KLRG1: variants seen among roughly 807,000 people sequenced by gnomAD.
KLRG1 encodes killer cell lectin like receptor G1.
A neutral mutation model predicts 21.8 loss-of-function variants in KLRG1; 16 were observed. That is an observed-to-expected ratio of 0.73 (90% confidence interval 0.50 to 1.11). The LOEUF (loss-of-function observed/expected upper bound fraction) is 1.11, where lower values mean the gene tolerates loss of function less well. Ranked by LOEUF, KLRG1 falls within the 50% of genes most tolerant of loss-of-function variation. The pLI is 0.00. For synonymous variants in KLRG1, 69 were observed against 75.9 expected, an observed-to-expected ratio of 0.91 and a Z score of 0.47; for missense variants, 173 against 218.3, an observed-to-expected ratio of 0.79 and a Z score of 1.31.
At chr12:9,032,150 G>A in the KLRG1 span, among the ~76,000 whole-genome samples, 1 of 152,094 alleles carries the variant, frequency 6.6e-6, no homozygotes, top group Non-Finnish European at 1.5e-5. Flanking sequence ...ATTTTTTTGA[G>A]GGTGCAAAAA....
At chr12:9,072,239 A>G in the KLRG1 span, 202 of 1,163,558 alleles carry the variant, frequency 1.7e-4, no homozygotes, top group African/African-American at 3.0e-3. Context: ...AAGAGAATAC[A>G]TTGCATTTTT....
At chr12:9,112,666 A>G in the KLRG1 span, 12 of 973,582 alleles carry the variant, frequency 1.2e-5, no homozygotes, top group Non-Finnish European at 1.8e-5. Context: ...CAGCAGGGAA[A>G]GTTGGCATGG....
At chr12:8,997,571 T>C (rs917701479) in intron 3 of KLRG1, among the ~76,000 whole-genome samples, 11 of 152,138 alleles carry the variant, frequency 7.2e-5, no homozygotes, top group Non-Finnish European at 1.2e-4. Flanking sequence ...ATTCCATTGG[T>C]GGAGAGTGCT....
chr12:9,186,231 A>T, the KLRG1 span, among the ~76,000 whole-genome samples: 73 of 152,316 alleles, frequency 4.8e-4, no homozygotes, highest in Non-Finnish European at 4.4e-4. Flanking sequence ...TTACCACCAG[A>T]TCCAACTTGC....
chr12:9,043,934 G>A, the KLRG1 span, among the ~76,000 whole-genome samples: 1 of 152,172 alleles, frequency 6.6e-6, no homozygotes, highest in Admixed American at 6.5e-5. Context: ...AGAACAAGCA[G>A]TCTCTCAGAA....
At chr12:9,183,520 C>T in the KLRG1 span, among the ~76,000 whole-genome samples, 1 of 152,134 alleles carries the variant, frequency 6.6e-6, no homozygotes, top group Non-Finnish European at 1.5e-5. Context: ...CTGCCTCAGC[C>T]TCCCCAGTAG....
At chr12:9,110,568 A>G in the KLRG1 span, among the ~76,000 whole-genome samples, 1 of 151,778 alleles carries the variant, frequency 6.6e-6, no homozygotes, top group Non-Finnish European at 1.5e-5. Flanking sequence ...ATGCATGATA[A>G]TAATCATTAT....
the KLRG1 span, among the ~76,000 whole-genome samples, chr12:9,147,100 G>A: frequency 6.6e-6 from 1 of 152,086 alleles, no homozygotes; most frequent in Admixed American, 6.5e-5. Flanking sequence ...CAGTTGTTTG[G>A]GTATCTACAG....
chr12:9,162,687 A>G, the KLRG1 span: 1 of 1,487,022 alleles, frequency 6.7e-7, no homozygotes, highest in Non-Finnish European at 9.3e-7. Flanking sequence ...AGATAGAAAC[A>G]TCCTGGTGAC....
the KLRG1 span, among the ~76,000 whole-genome samples, chr12:9,034,985 G>A: frequency 6.6e-6 from 1 of 151,868 alleles, no homozygotes; most frequent in African/African-American, 2.4e-5. Context: ...CTTGGCTAAT[G>A]TATGTTTTTG....
At chr12:9,208,029 C>T in the KLRG1 span, among the ~76,000 whole-genome samples, 6 of 152,090 alleles carry the variant, frequency 3.9e-5, no homozygotes, top group African/African-American at 9.7e-5. Flanking sequence ...TTTAATCATG[C>T]TTCCTAGTGA....
At chr12:9,040,291 C>T in the KLRG1 span, among the ~76,000 whole-genome samples, 3 of 152,188 alleles carry the variant, frequency 2.0e-5, no homozygotes, top group Non-Finnish European at 4.4e-5. Context: ...TCTCTCGCCT[C>T]ATCTTGACAG....
the KLRG1 span, among the ~76,000 whole-genome samples, chr12:9,102,989 A>G: frequency 2.6e-5 from 4 of 152,200 alleles, no homozygotes; most frequent in Non-Finnish European, 5.9e-5. Flanking sequence ...TGTATTGTAT[A>G]TCCATGTATC....
the KLRG1 span, among the ~76,000 whole-genome samples, chr12:9,156,560 C>T: frequency 2.0e-5 from 3 of 152,176 alleles, no homozygotes; most frequent in African/African-American, 7.2e-5. Flanking sequence ...TGTTGTACCT[C>T]TTTTCATTCA....
chr12:9,093,422 G>A, the KLRG1 span: 1 of 1,329,560 alleles, frequency 7.5e-7, no homozygotes, highest in Non-Finnish European at 1.1e-6. Context: ...AAATAGTCAG[G>A]GACCTCTATT....
chr12:9,148,718 C>T, the KLRG1 span: 1 of 420,630 alleles, frequency 2.4e-6, no homozygotes, highest in Non-Finnish European at 4.2e-6. Context: ...CTCCACTCTG[C>T]TTTCCTACTA....
intron 1 of KLRG1, among the ~76,000 whole-genome samples, chr12:8,963,724 G>T (rs1483001866): frequency 1.3e-5 from 2 of 152,154 alleles, no homozygotes; most frequent in Non-Finnish European, 2.9e-5. Flanking sequence ...CCTGTTATTG[G>T]TCTATTCAGA....
chr12:9,159,792 T>G, the KLRG1 span: 2 of 714,258 alleles, frequency 2.8e-6, no homozygotes, highest in Non-Finnish European at 4.5e-6. Flanking sequence ...TCAGCCTTCA[T>G]AGCTATAAGA....
chr12:8,966,549 GA>G (rs1946476292), intron 1 of KLRG1, among the ~76,000 whole-genome samples: 1 of 152,172 alleles, frequency 6.6e-6, no homozygotes, highest in African/African-American at 2.4e-5. Context: ...CTTCTCAAAA[GA>G]AGGCATTTAT....
Sources: gnomAD v4.1 joint callset for allele counts (sites outside exome capture counted in the v4.1 genomes callset) on GRCh38, gnomAD v4.1.1 for gene constraint, MANE v1.5 for transcripts, NCBI Gene and HGNC (gene_info 2026-07-23, HGNC 2026-07-21) for gene names.